The following SNX9 variants were observed in gnomAD, a reference collection of about 807,000 sequenced individuals.
The protein encoded by SNX9 is sorting nexin-9.
In SNX9, 44 loss-of-function variants were observed where a neutral mutation model predicts 89.4. That is an observed-to-expected ratio of 0.49 (90% CI 0.39 to 0.63). The LOEUF (loss-of-function observed/expected upper bound fraction) is 0.63, where lower values mean the gene tolerates loss of function less well. SNX9 is among the 30% of genes least tolerant of loss of function. The pLI is 0.00. For missense variants in SNX9, 578 were observed against 736.1 expected, an observed-to-expected ratio of 0.79 and a Z score of 2.49; for synonymous variants, 236 against 247.8, an observed-to-expected ratio of 0.95 and a Z score of 0.45.
chr6:157,869,095 T>C (rs1479447996), intron 2 of SNX9, among the ~76,000 whole-genome samples: 1 of 152,266 alleles, frequency 6.6e-6, no homozygotes, highest in Non-Finnish European at 1.5e-5. Flanking sequence ...TCTTACTGAA[T>C]GTTTCCAGAA....
chr6:157,882,322 T>G (rs563511403), intron 4 of SNX9, among the ~76,000 whole-genome samples: 11 of 152,244 alleles, frequency 7.2e-5, no homozygotes, highest in African/African-American at 2.4e-4. Context: ...AAAATATTAC[T>G]GCTCATTGAC....
chr6:157,869,497 G>A (rs191413502), intron 2 of SNX9, among the ~76,000 whole-genome samples: 2 of 152,036 alleles, frequency 1.3e-5, no homozygotes, highest in East Asian at 3.9e-4. Flanking sequence ...GTGAACCAAG[G>A]CCCCCAAGGC....
At chr6:157,904,188 C>T (rs1322786426) in intron 6 of SNX9, among the ~76,000 whole-genome samples, 1 of 152,130 alleles carries the variant, frequency 6.6e-6, no homozygotes, top group East Asian at 1.9e-4. Context: ...GTAATCCTAG[C>T]ACTTTGGGAG....
intron 5 of SNX9, among the ~76,000 whole-genome samples, chr6:157,901,260 T>C (rs1381356835): frequency 6.6e-6 from 1 of 152,224 alleles, no homozygotes; most frequent in Non-Finnish European, 1.5e-5. Flanking sequence ...TAGCAATAGT[T>C]TCAGGGGGTC....
chr6:157,928,413 A>G (rs1168046548), intron 11 of SNX9, among the ~76,000 whole-genome samples, 186 bp from the exon 12 acceptor site: 2 of 152,276 alleles, frequency 1.3e-5, no homozygotes, highest in Non-Finnish European at 2.9e-5. Context: ...AAGTTAAAAT[A>G]TAAATCAGCG....
intron 16 of SNX9, among the ~76,000 whole-genome samples, chr6:157,939,051 C>G (rs1278359965): frequency 6.6e-6 from 1 of 151,962 alleles, no homozygotes; most frequent in African/African-American, 2.4e-5. Flanking sequence ...TGCCAGAGCC[C>G]AGCTTTTAGC....
intron 1 of SNX9, among the ~76,000 whole-genome samples, chr6:157,828,813 G>A (rs1335494000): frequency 3.3e-5 from 5 of 152,042 alleles, no homozygotes; most frequent in African/African-American, 7.3e-5. Context: ...TCACTTCCCC[G>A]GGAAAGCCTT....
chr6:157,927,195 G>C lies in SNX9; in HGVS notation c.1165G>C (p.Asp389His). 6.2e-7 allele frequency: 1 copy of C among 1,613,270 alleles called. No individual in the cohort carries two copies. Among genetic ancestry groups the C allele is most frequent in the Non-Finnish European group, 8.5e-7 (1 of 1,179,248 alleles). Residue 389 changes from aspartate to histidine, a missense_variant, in exon 11 of 18, where the codon GAC becomes CAC. This residue lies in a region of SNX9 where 348 missense variants were observed against 491.4 expected (regional missense o/e 0.71). Transcript: ENST00000392185. ...TTCCACCATGGAACCAGAGGCACCT[G>C]ACTTGGACTTAGTAGAAATGTGAGA... ...IFSTMEPEAP[D>H]LDLVEIEQKC...
chr6:157,837,065 C>T (rs937569666), intron 1 of SNX9, among the ~76,000 whole-genome samples: 3 of 152,162 alleles, frequency 2.0e-5, no homozygotes, highest in African/African-American at 7.2e-5. Flanking sequence ...ACTAGCATGC[C>T]GTGTGCAGTG....
rs540480977 is a variant in SNX9 at position 157,916,362 on chromosome 6, T to C, written c.950-5169T>C. On this transcript the variant is annotated intron_variant, in intron 9 of 17. Transcript: ENST00000392185. ...TTTTCTTTTTTAATGTAGACAATCA[T>C]GTCAGCTTGGAATAGAGAGTTTTAT... is the stretch of plus-strand genomic sequence containing the variant. Among the ~76,000 whole-genome samples, 18 of 152,328 alleles carry C rather than the reference T, an allele frequency of 1.2e-4. 1 individual carries two copies. Among genetic ancestry groups the C allele is most frequent in the African/African-American group, 4.1e-4 (17 of 41,584 alleles).
At chr6:157,831,824 T>C (rs1246939923) in intron 1 of SNX9, among the ~76,000 whole-genome samples, 1 of 152,244 alleles carries the variant, frequency 6.6e-6, no homozygotes, top group Non-Finnish European at 1.5e-5. Flanking sequence ...GCTCAGGTAT[T>C]AGCTTGCTCT....
In SNX9 at chr6:157,906,141, G is replaced by A; in HGVS notation, c.634G>A (p.Ala212Thr). 1 of 1,609,548 alleles carries A rather than the reference G, an allele frequency of 6.2e-7. No homozygotes were observed. Among genetic ancestry groups the A allele is most frequent in the Non-Finnish European group, 8.5e-7 (1 of 1,178,708 alleles). ...ATTCATGATTAGATTTCCTGGATTT[G>A]CGAAACCTGGCACGGAACAGTATTT... ...KIPLNKFPGF[A>T]KPGTEQYLLA... is the part of the protein sequence containing the mutation. Residue 212 changes from alanine to threonine, a missense_variant, in exon 7 of 18, where the codon GCG becomes ACG. Ala to Thr is a moderately conservative substitution (Grantham distance 58). Coordinates refer to ENST00000392185, the MANE Select transcript of SNX9 (RefSeq NM_016224.5).
chr6:157,864,151 T>C (rs1233210920), intron 1 of SNX9, among the ~76,000 whole-genome samples: 1 of 152,156 alleles, frequency 6.6e-6, no homozygotes, highest in African/African-American at 2.4e-5. Context: ...CCGGCTCTGC[T>C]TCCAAGATGG....
chr6:157,936,765 C>T (rs540315905), intron 14 of SNX9, among the ~76,000 whole-genome samples: 75 of 152,350 alleles, frequency 4.9e-4, no homozygotes, highest in Middle Eastern at 6.8e-3. Context: ...AGGTCCTTGT[C>T]ATAGCTACAT....
At chr6:157,928,327 T>G (rs1414824833) in intron 11 of SNX9, among the ~76,000 whole-genome samples, 2 of 152,216 alleles carry the variant, frequency 1.3e-5, no homozygotes, top group African/African-American at 4.8e-5. Flanking sequence ...AAATAAGATA[T>G]TCAAGAAATT....
chr6:157,886,993 T>G (rs774317737), intron 4 of SNX9, among the ~76,000 whole-genome samples: 35 of 152,230 alleles, frequency 2.3e-4, no homozygotes, highest in Non-Finnish European at 2.1e-4. Flanking sequence ...CTGTCAGTAC[T>G]GTATCAGCTT....
At chr6:157,829,731 A>G (rs1312860956) in intron 1 of SNX9, among the ~76,000 whole-genome samples, 4 of 152,186 alleles carry the variant, frequency 2.6e-5, no homozygotes, top group African/African-American at 4.8e-5. Context: ...CTTAAAGACT[A>G]TATTTCTAAT....
At chr6:157,928,775 G>A (rs1783748396) in intron 12 of SNX9, 73 bp downstream of exon 12, 8 of 1,163,168 alleles carry the variant, frequency 6.9e-6, no homozygotes, top group South Asian at 3.3e-5. Flanking sequence ...CCTTATCATA[G>A]AGGGGAACCT....
At chr6:157,857,036 A>G (rs898440152) in intron 1 of SNX9, among the ~76,000 whole-genome samples, 5 of 152,162 alleles carry the variant, frequency 3.3e-5, no homozygotes, top group African/African-American at 4.8e-5. Context: ...TTAAAGGATA[A>G]ATGGTTGATT....
Sources: gnomAD v4.1 joint callset for allele counts (sites outside exome capture counted in the v4.1 genomes callset) on GRCh38, gnomAD v4.1.1 for gene constraint, gnomAD v4.1.1 regional missense constraint, MANE v1.5 for transcripts, NCBI Gene and HGNC (gene_info 2026-07-23, HGNC 2026-07-21) for gene names.